Variants in C5orf34 observed in about 807,000 individuals in gnomAD.
C5orf34 encodes the protein chromosome 5 open reading frame 34.
In C5orf34, 73 loss-of-function variants were observed where a neutral mutation model predicts 78.4. The observed-to-expected ratio is 0.93, with a 90% CI of 0.77 to 1.13. C5orf34 has a LOEUF of 1.13. Among genes scored for constraint, C5orf34 ranks in the 50% most tolerant of loss-of-function variants. C5orf34 has a pLI of 0.00. For missense variants in C5orf34, 730 were observed against 732.7 expected (o/e 1.00, Z 0.04); for synonymous variants, 251 against 246.6 (o/e 1.02, Z -0.17).
At position 43,507,250 on chromosome 5, in the gene C5orf34, G is replaced by A. The variant is rs563041153; in HGVS notation, c.286-856C>T. Among the ~76,000 whole-genome samples the A allele has an allele frequency of 7.9e-5, 12 of 152,368 alleles. No homozygotes were observed. The South Asian group carries it at 2.5e-3, about 32-fold the overall frequency. On this transcript the variant is annotated intron_variant, in intron 3 of 12. Coordinates refer to ENST00000306862, the MANE Select transcript of C5orf34 (RefSeq NM_198566.4). ...GATATAAACAGTAGATATTGCGTGA[G>A]AGGTTTTTACTGAATTAATTTTGCC...
chr5:43,495,502 A>G, intron 6 of C5orf34: 2 of 1,608,062 alleles, frequency 1.2e-6, no homozygotes, highest in Admixed American at 3.3e-5. Flanking sequence ...CACGACGAAC[A>G]TCCTTGACAG....
intron 11 of C5orf34, among the ~76,000 whole-genome samples, chr5:43,489,200 T>A (rs1745176845): frequency 6.6e-6 from 1 of 152,078 alleles, no homozygotes. Context: ...TGAAACGTAC[T>A]ATTTGTTGAC....
At chr5:43,509,589 CAAG>C (rs1397427790) in intron 1 of C5orf34, among the ~76,000 whole-genome samples, 4 of 152,104 alleles carry the variant, frequency 2.6e-5, no homozygotes, top group East Asian at 3.8e-4. Flanking sequence ...GGAACATAAC[CAAG>C]AAGAGACAAC....
In C5orf34 at chr5:43,506,333, A is replaced by C. The variant is rs999168495; in HGVS notation, c.347T>G (p.Ile116Arg). 2 of 1,613,938 alleles carry C rather than the reference A, an allele frequency of 1.2e-6. No individual in the cohort carries two copies. Among genetic ancestry groups the C allele is most frequent in the East Asian group, 2.2e-5 (1 of 44,874 alleles). ...WPSLDTDGTM[I>R]YMESGIVKIT... Reference sequence around the variant, plus strand: ...CTTCACAATGCCACTCTCCATATATATCATGGTACCATCTGTATCAAGACT... The same window carrying C: ...CTTCACAATGCCACTCTCCATATATCTCATGGTACCATCTGTATCAAGACT... The change falls in exon 4 of 13, where the codon ATA (isoleucine) becomes AGA (arginine). Residue 116 changes from isoleucine to arginine, a missense_variant. Ile to Arg is a moderately conservative substitution (Grantham distance 97). Coordinates refer to ENST00000306862, the MANE Select transcript of C5orf34 (RefSeq NM_198566.4).
At chr5:43,501,213 A>T (rs2112304472) in intron 6 of C5orf34, among the ~76,000 whole-genome samples, 1 of 150,896 alleles carries the variant, frequency 6.6e-6, no homozygotes, top group South Asian at 2.1e-4. Context: ...CAGCAATATG[A>T]CTATGCATAC....
rs530468007 is a variant in C5orf34 at position 43,494,375 on chromosome 5, A to G, written c.1244+135T>C. The G allele has an allele frequency of 1.1e-4, 53 of 480,986 alleles. No homozygotes were observed. The East Asian group carries it at 1.7e-3, about 15-fold the overall frequency. The allele number at this position is 480,986 out of a possible 1,614,324, so 29.8% of individuals were successfully genotyped here. A position where few individuals can be genotyped will look rare whatever the true frequency, so the allele number is the denominator to read the frequency against. On this transcript the variant is annotated intron_variant, in intron 7 of 12. Transcript: ENST00000306862. Reference sequence around the variant, plus strand: ...TTATTTTATAAATTATGACACCAAAAAAGTTGACAAATTTTACCGAAGGCA... The same window carrying G: ...TTATTTTATAAATTATGACACCAAAGAAGTTGACAAATTTTACCGAAGGCA...
intron 1 of C5orf34, among the ~76,000 whole-genome samples, chr5:43,513,464 T>C (rs929628399): frequency 2.6e-5 from 4 of 152,212 alleles, no homozygotes; most frequent in African/African-American, 9.6e-5. Context: ...AGGGATCTTT[T>C]AAAATGAAAA....
At chr5:43,511,518 G>A (rs1237670127) in intron 1 of C5orf34, among the ~76,000 whole-genome samples, 15 of 150,462 alleles carry the variant, frequency 1.0e-4, no homozygotes, top group South Asian at 6.4e-4. Flanking sequence ...CCGCCACCCC[G>A]TCTGGGAGGT....
chr5:43,491,411 C>A (rs576233078), intron 10 of C5orf34, among the ~76,000 whole-genome samples: 1 of 152,176 alleles, frequency 6.6e-6, no homozygotes, highest in African/African-American at 2.4e-5. Context: ...CAAGTGAAAT[C>A]ACTAAAATGT....
At chr5:43,502,682 T>C (rs938323641) in intron 5 of C5orf34, among the ~76,000 whole-genome samples, 187 bp from the exon 6 acceptor site, 1 of 152,228 alleles carries the variant, frequency 6.6e-6, no homozygotes, top group East Asian at 1.9e-4. Context: ...CACGAAAAGA[T>C]AAATAGAATT....
At chr5:43,492,430 T>C in intron 9 of C5orf34, 121 bp from the exon 10 acceptor site, 7 of 690,436 alleles carry the variant, frequency 1.0e-5, no homozygotes, top group Non-Finnish European at 1.2e-5. Flanking sequence ...TGCAACAGTT[T>C]AAATGTTGTT....
intron 5 of C5orf34, among the ~76,000 whole-genome samples, 187 bp downstream of exon 5, chr5:43,503,478 G>A (rs1003746851): frequency 6.6e-6 from 1 of 152,150 alleles, no homozygotes; most frequent in Non-Finnish European, 1.5e-5. Context: ...TGAGTCACAG[G>A]ACCCTTGTGT....
At position 43,506,347 on chromosome 5, in the gene C5orf34, T is replaced by A; in HGVS notation, c.333A>T (p.Thr111=). ...TCTCCATATATATCATGGTACCATC[T>A]GTATCAAGACTGGGCCATCTCACTT... ...ITEVRWPSLD[T]DGTMIYMESG... Residue 111 remains threonine (T), a synonymous_variant, in exon 4 of 13, where the codon ACA becomes ACT. Coordinates refer to ENST00000306862, the MANE Select transcript of C5orf34 (RefSeq NM_198566.4). 1 of 1,613,610 alleles carries A rather than the reference T, an allele frequency of 6.2e-7. No homozygotes were observed. Among genetic ancestry groups the A allele is most frequent in the Non-Finnish European group, 8.5e-7 (1 of 1,179,886 alleles).
intron 3 of C5orf34, among the ~76,000 whole-genome samples, chr5:43,507,646 T>TAG (rs1180254462): frequency 6.6e-6 from 1 of 152,074 alleles, no homozygotes; most frequent in African/African-American, 2.4e-5. Context: ...CTTGACAGCA[T>TAG]AGAAAGGTAG....
chr5:43,500,270 A>T (rs1451670020), intron 6 of C5orf34, among the ~76,000 whole-genome samples: 1 of 151,838 alleles, frequency 6.6e-6, no homozygotes, highest in African/African-American at 2.4e-5. Context: ...GGCTAAATCC[A>T]TTTTTACCCT....
At chr5:43,501,633 T>C (rs1460966334) in intron 6 of C5orf34, among the ~76,000 whole-genome samples, 2 of 152,148 alleles carry the variant, frequency 1.3e-5, no homozygotes, top group African/African-American at 4.8e-5. Flanking sequence ...TCCCTTATAT[T>C]TGTCTACTTT....
rs952313998 is a variant in C5orf34 at position 43,492,093 on chromosome 5, C to A, written c.1580+122G>T. 16 of 624,718 alleles carry A rather than the reference C, an allele frequency of 2.6e-5. No homozygotes were observed. In the African/African-American group the frequency reaches 2.9e-4, roughly 11 times the overall value. The allele number at this position is 624,718 out of a possible 1,614,324, so 38.7% of individuals were successfully genotyped here. On this transcript the variant is annotated intron_variant, in intron 10 of 12. Transcript: ENST00000306862. ...ATCAACTCTGAAACGACTGAAATGC[C>A]TTCATTATTATCCACATGGAAAAAC...
intron 6 of C5orf34, among the ~76,000 whole-genome samples, chr5:43,499,880 CATTT>C (rs1428920743): frequency 1.3e-5 from 2 of 152,100 alleles, no homozygotes; most frequent in Non-Finnish European, 2.9e-5. Context: ...TATTAATGAA[CATTT>C]ATTTAGGTTG....
At chr5:43,505,363 G>A (rs949253100) in intron 4 of C5orf34, among the ~76,000 whole-genome samples, 17 of 152,226 alleles carry the variant, frequency 1.1e-4, no homozygotes, top group East Asian at 3.8e-4. Context: ...TCCAGTGAGC[G>A]GCAGCAGGTG....
Sources: allele counts gnomAD v4.1 joint callset (sites outside exome capture counted in the v4.1 genomes callset), GRCh38; gene constraint gnomAD v4.1.1; transcripts MANE v1.5; gene names NCBI Gene and HGNC (gene_info 2026-07-23, HGNC 2026-07-21).